Variants in GPHN observed in about 807,000 individuals in gnomAD.
GPHN encodes gephyrin.
GPHN carries 17 observed loss-of-function variants against 95.5 expected under a neutral mutation model. The ratio of observed to expected loss-of-function variants is 0.18; its 90% CI spans 0.12 to 0.27. GPHN has a LOEUF of 0.27. Ranked by LOEUF, GPHN falls within the 10% of genes least tolerant of loss-of-function variation. The pLI, the probability that GPHN is intolerant of heterozygous loss-of-function variation, is 1.00. For synonymous variants in GPHN, 320 were observed against 322.5 expected (o/e 0.99, Z 0.08); for missense variants, 660 against 978.1 (o/e 0.67, Z 4.34).
chr14:66,778,861 G>T (rs569787535), intron 3 of GPHN, among the ~76,000 whole-genome samples: 1 of 148,182 alleles, frequency 6.7e-6, no homozygotes, highest in African/African-American at 2.5e-5. Flanking sequence ...TCAGCCTCCC[G>T]AGTAGCTTGG....
At chr14:66,925,470 A>C (rs78213935) in intron 8 of GPHN, among the ~76,000 whole-genome samples, 14,607 of 151,980 alleles carry the variant, frequency 0.096, 1,140 homozygotes, top group African/African-American at 0.21. Flanking sequence ...TACCATCTTT[A>C]TCTCCGTGAG....
At chr14:67,086,981 T>C (rs1272427331) in intron 11 of GPHN, among the ~76,000 whole-genome samples, 3 of 140,508 alleles carry the variant, frequency 2.1e-5, no homozygotes, top group Non-Finnish European at 3.0e-5. Flanking sequence ...GAGCTTGCAG[T>C]GAGCCGAGAT....
At chr14:66,617,315 T>TG (rs1470342929) in intron 1 of GPHN, among the ~76,000 whole-genome samples, 11 of 152,340 alleles carry the variant, frequency 7.2e-5, no homozygotes, top group Middle Eastern at 3.4e-3. Context: ...TGCAGAGCTC[T>TG]GGGGTTGGGA....
the GPHN span, chr14:67,208,587 T>C: frequency 1.1e-6 from 1 of 952,362 alleles, no homozygotes; most frequent in South Asian, 1.8e-5. Flanking sequence ...AATGATGATA[T>C]AGTCAACTCT....
chr14:67,339,438 T>C, the GPHN span, among the ~76,000 whole-genome samples: 1 of 152,152 alleles, frequency 6.6e-6, no homozygotes, highest in African/African-American at 2.4e-5. Flanking sequence ...ATAATTAAGA[T>C]TATAGACCAT....
the GPHN span, chr14:67,270,045 A>G: frequency 2.0e-5 from 3 of 152,242 alleles, no homozygotes; most frequent in African/African-American, 7.2e-5. Flanking sequence ...TACTCTGCCT[A>G]AAAATTAAGA....
the GPHN span, among the ~76,000 whole-genome samples, chr14:67,292,043 T>A: frequency 1.1e-4 from 17 of 152,176 alleles, no homozygotes; most frequent in Non-Finnish European, 2.2e-4. Flanking sequence ...GCAATCTAAA[T>A]GTTCAACTTT....
At chr14:66,902,149 T>C (rs1192941596) in intron 5 of GPHN, among the ~76,000 whole-genome samples, 2 of 152,046 alleles carry the variant, frequency 1.3e-5, no homozygotes, top group Non-Finnish European at 2.9e-5. Flanking sequence ...ATGGGGTTGC[T>C]TTCTTGATTT....
chr14:67,387,535 CTG>C, the GPHN span: 1 of 1,425,870 alleles, frequency 7.0e-7, no homozygotes, highest in South Asian at 1.2e-5. Context: ...AGAAAGTCAA[CTG>C]AGACATGGAC....
intron 1 of GPHN, among the ~76,000 whole-genome samples, chr14:66,598,422 CAT>C (rs1413790313): frequency 2.0e-5 from 3 of 152,014 alleles, no homozygotes; most frequent in Non-Finnish European, 2.9e-5. Flanking sequence ...CTGAGAAAGG[CAT>C]TAGTTAATTT....
intron 19 of GPHN, among the ~76,000 whole-genome samples, chr14:67,164,291 A>C (rs910499574): frequency 4.6e-5 from 7 of 151,210 alleles, no homozygotes; most frequent in Admixed American, 1.3e-4. Context: ...AAAAAAAAAA[A>C]AACTGTTAAT....
At chr14:67,320,562 A>G in the GPHN span, among the ~76,000 whole-genome samples, 1 of 152,222 alleles carries the variant, frequency 6.6e-6, no homozygotes, top group African/African-American at 2.4e-5. Flanking sequence ...AAAAATAGTC[A>G]TTATTAAGAA....
At chr14:67,378,679 A>G in the GPHN span, among the ~76,000 whole-genome samples, 1 of 152,082 alleles carries the variant, frequency 6.6e-6, no homozygotes, top group East Asian at 1.9e-4. Flanking sequence ...AGTTCCAGCA[A>G]CCCCTTGTTA....
At chr14:67,108,095 G>A (rs2153683963) in intron 13 of GPHN, among the ~76,000 whole-genome samples, 1 of 152,306 alleles carries the variant, frequency 6.6e-6, no homozygotes, top group East Asian at 1.9e-4. Context: ...AACCAATAAA[G>A]GAATCTGCAG....
intron 1 of GPHN, among the ~76,000 whole-genome samples, chr14:66,658,022 G>A (rs1374633068): frequency 6.6e-6 from 1 of 152,146 alleles, no homozygotes; most frequent in African/African-American, 2.4e-5. Flanking sequence ...CACCATTCTA[G>A]ATGCCATTCA....
the GPHN span, chr14:67,594,001 T>C: frequency 2.3e-6 from 3 of 1,286,430 alleles, no homozygotes; most frequent in African/African-American, 4.4e-5. Context: ...GTGGTACCAG[T>C]CAACTCCAGG....
At chr14:67,362,969 G>A in the GPHN span, among the ~76,000 whole-genome samples, 1 of 152,076 alleles carries the variant, frequency 6.6e-6, no homozygotes, top group Non-Finnish European at 1.5e-5. Flanking sequence ...ATCCCTTCAG[G>A]ATTCTCTTAC....
chr14:66,914,869 A>G (rs2065832724), intron 5 of GPHN, among the ~76,000 whole-genome samples: 1 of 152,126 alleles, frequency 6.6e-6, no homozygotes, highest in Admixed American at 6.6e-5. Context: ...TAAGAACTAT[A>G]TAATTACCCA....
intron 2 of GPHN, among the ~76,000 whole-genome samples, chr14:66,753,715 T>C (rs542736423): frequency 6.6e-6 from 1 of 152,204 alleles, no homozygotes; most frequent in African/African-American, 2.4e-5. Context: ...TTTATTGAGA[T>C]ATACCTTATA....
Sources: gnomAD v4.1 joint callset for allele counts (sites outside exome capture counted in the v4.1 genomes callset) on GRCh38, gnomAD v4.1.1 for gene constraint, MANE v1.5 for transcripts, NCBI Gene and HGNC (gene_info 2026-07-23, HGNC 2026-07-21) for gene names.